The following EGFR variants were observed in gnomAD, a reference collection of about 807,000 sequenced individuals.
EGFR encodes the protein avian erythroblastic leukemia viral (v-erb-b) oncogene homolog.
In EGFR, 58 loss-of-function variants were observed where a neutral mutation model predicts 143.0. That is an observed-to-expected ratio of 0.41 (90% CI 0.33 to 0.50). The LOEUF is 0.50. Ranked by LOEUF, EGFR falls within the 20% of genes least tolerant of loss-of-function variation. The probability of loss-of-function intolerance (pLI) is 0.39; values close to 1 mark genes in which losing one functional copy is unlikely to be tolerated. For missense variants in EGFR, 1,307 were observed against 1,579.0 expected, an observed-to-expected ratio of 0.83 and a Z score of 2.92; for synonymous variants, 613 against 594.4, an observed-to-expected ratio of 1.03 and a Z score of -0.45.
chr7:55,197,033 T>C (rs970560236), intron 22 of EGFR, among the ~76,000 whole-genome samples: 7 of 152,208 alleles, frequency 4.6e-5, no homozygotes, highest in African/African-American at 1.7e-4. Context: ...TTGTATTTTC[T>C]AGTTCTGTGA....
chr7:55,119,371 G>A (rs752972222), intron 1 of EGFR: 73 of 152,124 alleles, frequency 4.8e-4, no homozygotes, highest in African/African-American at 1.6e-3. Flanking sequence ...ACAATCTTCC[G>A]AGTGGTTCCA....
At chr7:55,201,154 G>A (rs1475282077) in intron 24 of EGFR, 34 bp from the exon 25 acceptor site, 1 of 1,613,942 alleles carries the variant, frequency 6.2e-7, no homozygotes, top group Non-Finnish European at 8.5e-7. Flanking sequence ...CATCTCTACG[G>A]GCCATTCTAA....
chr7:55,091,535 A>G (rs1791112466), intron 1 of EGFR, among the ~76,000 whole-genome samples: 1 of 152,188 alleles, frequency 6.6e-6, no homozygotes, highest in South Asian at 2.1e-4. Flanking sequence ...CTTCGACAGT[A>G]CAGGCTTCCT....
At chr7:55,145,493 G>T (rs1794714061) in intron 3 of EGFR, among the ~76,000 whole-genome samples, 2 of 152,190 alleles carry the variant, frequency 1.3e-5, no homozygotes, top group African/African-American at 4.8e-5. Context: ...TCTCCTGTCT[G>T]CAGGAAGCCT....
chr7:55,073,331 T>C (rs1237034796), intron 1 of EGFR, among the ~76,000 whole-genome samples: 1 of 152,204 alleles, frequency 6.6e-6, no homozygotes, highest in African/African-American at 2.4e-5. Flanking sequence ...AAAATAGGTA[T>C]GAGTGTAGGA....
chr7:55,192,245 C>T (rs1433900070), intron 21 of EGFR, among the ~76,000 whole-genome samples: 1 of 152,168 alleles, frequency 6.6e-6, no homozygotes, highest in African/African-American at 2.4e-5. Context: ...AGGAAAGGCC[C>T]CATGCGGACC....
At chr7:55,023,743 A>G (rs897437376) in intron 1 of EGFR, among the ~76,000 whole-genome samples, 1 of 151,954 alleles carries the variant, frequency 6.6e-6, no homozygotes, top group Non-Finnish European at 1.5e-5. Flanking sequence ...TTATGGTAAT[A>G]AACATTGTTA....
intron 1 of EGFR, among the ~76,000 whole-genome samples, chr7:55,078,905 G>A (rs1237352575): frequency 6.6e-6 from 1 of 152,212 alleles, no homozygotes; most frequent in Non-Finnish European, 1.5e-5. Flanking sequence ...GGCCAGGCAC[G>A]CGTCTGGGGT....
intron 1 of EGFR, among the ~76,000 whole-genome samples, chr7:55,101,983 G>A (rs894605740): frequency 1.3e-5 from 2 of 152,182 alleles, no homozygotes; most frequent in Non-Finnish European, 2.9e-5. Context: ...CTGTATCGAA[G>A]CTCGGCTCAG....
rs565962366 is a variant in EGFR at position 55,112,783 on chromosome 7, A to G, written c.89-29503A>G. 9.8e-5 allele frequency among the ~76,000 whole-genome samples: 15 copies of G among 152,348 alleles called. No individual in the cohort carries two copies. The South Asian group carries it at 2.9e-3, about 29-fold the overall frequency. ...GCTCTGTAACCGGCCAAGGTCACAC[A>G]GGTAGCCATTGGTAGAGCAGGGACT... On this transcript the variant is annotated intron_variant, in intron 1 of 27. Coordinates refer to ENST00000275493, the MANE Select transcript of EGFR (RefSeq NM_005228.5).
At chr7:55,119,874 C>T (rs1172120387) in intron 1 of EGFR, among the ~76,000 whole-genome samples, 1 of 152,190 alleles carries the variant, frequency 6.6e-6, no homozygotes, top group Non-Finnish European at 1.5e-5. Context: ...CACAACCATC[C>T]CTGGAGTGTG....
At chr7:55,158,693 A>T (rs1398213725) in intron 11 of EGFR, among the ~76,000 whole-genome samples, 2 of 152,200 alleles carry the variant, frequency 1.3e-5, no homozygotes, top group African/African-American at 4.8e-5. Flanking sequence ...ATTTAATGAG[A>T]AGTCTGGTGA....
chr7:55,048,385 A>G (rs1788299894), intron 1 of EGFR, among the ~76,000 whole-genome samples: 1 of 152,222 alleles, frequency 6.6e-6, no homozygotes, highest in Admixed American at 6.5e-5. Context: ...TTAGGTAAAC[A>G]CAGCTGGGAA....
intron 1 of EGFR, among the ~76,000 whole-genome samples, chr7:55,136,963 A>G (rs1181607480): frequency 6.6e-6 from 1 of 152,230 alleles, no homozygotes; most frequent in Non-Finnish European, 1.5e-5. Context: ...GTTGAGGACC[A>G]TCTGTATATC....
At chr7:55,063,200 G>A (rs78550678) in intron 1 of EGFR, among the ~76,000 whole-genome samples, 34 of 152,294 alleles carry the variant, frequency 2.2e-4, no homozygotes, top group Non-Finnish European at 4.4e-4. Context: ...AAGCAAGAAC[G>A]ACCGACCTCA....
At chr7:55,197,087 A>C (rs1787651404) in intron 22 of EGFR, among the ~76,000 whole-genome samples, 2 of 152,182 alleles carry the variant, frequency 1.3e-5, no homozygotes, top group Non-Finnish European at 2.9e-5. Flanking sequence ...TGAATCTATA[A>C]AATACTTTGG....
At chr7:55,156,931 C>A in intron 10 of EGFR, 99 bp downstream of exon 10, 4 of 1,581,780 alleles carry the variant, frequency 2.5e-6, no homozygotes, top group Non-Finnish European at 3.4e-6. Flanking sequence ...AAAAACATTT[C>A]TTCTGAAATT....
chr7:55,189,053 CG>C (rs1158936971), intron 20 of EGFR: 1 of 152,010 alleles, frequency 6.6e-6, no homozygotes, highest in Admixed American at 6.6e-5. Flanking sequence ...CCCAGAGGCA[CG>C]GGACCAAGGT....
intron 19 of EGFR, among the ~76,000 whole-genome samples, chr7:55,176,935 A>ATC (rs1314329057): frequency 6.8e-6 from 1 of 147,696 alleles, no homozygotes; most frequent in African/African-American, 2.5e-5. Flanking sequence ...ATATATATAT[A>ATC]TCTCTCTCTA....
Sources: gnomAD v4.1 joint callset for allele counts (sites outside exome capture counted in the v4.1 genomes callset) on GRCh38, gnomAD v4.1.1 for gene constraint, MANE v1.5 for transcripts, NCBI Gene and HGNC (gene_info 2026-07-23, HGNC 2026-07-21) for gene names.